The following RNGTT variants were observed in gnomAD, a reference collection of about 807,000 sequenced individuals.
The protein encoded by RNGTT is RNA guanylyltransferase and 5'-phosphatase.
A neutral mutation model predicts 79.3 loss-of-function variants in RNGTT; 33 were observed. The ratio of observed to expected loss-of-function variants is 0.42; its 90% CI spans 0.32 to 0.56. The LOEUF (loss-of-function observed/expected upper bound fraction) is 0.56, where lower values mean the gene tolerates loss of function less well. RNGTT is among the 20% of genes least tolerant of loss of function. The probability of loss-of-function intolerance (pLI) is 0.17; values close to 1 mark genes in which losing one functional copy is unlikely to be tolerated. For synonymous variants in RNGTT, 222 were observed against 235.9 expected (o/e 0.94, Z 0.54); for missense variants, 497 against 739.1 (o/e 0.67, Z 3.80).
At chr6:88,695,104 G>C (rs1220949986) in intron 13 of RNGTT, among the ~76,000 whole-genome samples, 1 of 152,058 alleles carries the variant, frequency 6.6e-6, no homozygotes, top group Admixed American at 6.6e-5. Flanking sequence ...ACATTGGTCT[G>C]GGCAATGATT....
At chr6:88,661,207 CA>C (rs1251628104) in intron 14 of RNGTT, among the ~76,000 whole-genome samples, 3 of 152,066 alleles carry the variant, frequency 2.0e-5, no homozygotes, top group Admixed American at 2.0e-4. Context: ...ACGCCTACAT[CA>C]AAAAGTCTGA....
intron 14 of RNGTT, among the ~76,000 whole-genome samples, chr6:88,641,840 G>A (rs1203096209): frequency 6.6e-6 from 1 of 152,274 alleles, no homozygotes; most frequent in African/African-American, 2.4e-5. Flanking sequence ...CATCTTGGCT[G>A]TATTCACACA....
rs566863751 is a variant in RNGTT at position 88,923,793 on chromosome 6, T to C, written c.367+5192A>G. Among the ~76,000 whole-genome samples, 15 of 152,290 alleles carry C rather than the reference T, an allele frequency of 9.8e-5. 1 individual carries two copies. In the South Asian group the frequency reaches 2.7e-3, roughly 27 times the overall value. On this transcript the variant is annotated intron_variant, in intron 4 of 15. Coordinates refer to ENST00000369485, the MANE Select transcript of RNGTT (RefSeq NM_003800.5). ...GTAGCTAAATCAGCAAGAGCTATTATAGTGCTCCAACTTAATAAGTTGATT... is the reference window on the plus strand; with the variant it reads ...GTAGCTAAATCAGCAAGAGCTATTACAGTGCTCCAACTTAATAAGTTGATT...
At chr6:88,837,442 A>C (rs1562278375) in intron 11 of RNGTT, among the ~76,000 whole-genome samples, 1 of 152,182 alleles carries the variant, frequency 6.6e-6, no homozygotes, top group Non-Finnish European at 1.5e-5. Flanking sequence ...ATATTTTTTT[A>C]AACCAAGTTT....
At chr6:88,802,949 T>C (rs1485460619) in intron 11 of RNGTT, among the ~76,000 whole-genome samples, 4 of 152,168 alleles carry the variant, frequency 2.6e-5, no homozygotes. Flanking sequence ...CTGTGTGTTA[T>C]ACATCCCTTT....
chr6:88,923,542 G>C (rs1051122310), intron 4 of RNGTT, among the ~76,000 whole-genome samples: 1 of 151,976 alleles, frequency 6.6e-6, no homozygotes. Flanking sequence ...AAAGTTTATT[G>C]AGTCAGCCAC....
intron 13 of RNGTT, among the ~76,000 whole-genome samples, chr6:88,678,780 C>T (rs541279775): frequency 6.6e-6 from 1 of 152,030 alleles, no homozygotes; most frequent in African/African-American, 2.4e-5. Context: ...GGCAATATAA[C>T]GAGACCCCAT....
intron 13 of RNGTT, among the ~76,000 whole-genome samples, chr6:88,755,787 C>T (rs1777991130): frequency 6.6e-6 from 1 of 151,364 alleles, no homozygotes; most frequent in Admixed American, 6.6e-5. Flanking sequence ...ATGGTGAAAC[C>T]CCATCTCTAC....
At chr6:88,631,813 A>G (rs1476966618) in intron 14 of RNGTT, among the ~76,000 whole-genome samples, 1 of 74,734 alleles carries the variant, frequency 1.3e-5, no homozygotes, top group Non-Finnish European at 2.5e-5. Flanking sequence ...GGCTATATAT[A>G]TTTTTTGTTT....
rs147358509 is a variant in RNGTT at position 88,620,856 on chromosome 6, T to C, written c.1507-6461A>G. Reference sequence around the variant, plus strand: ...TACAGAATTCCTTTAGACGACATTATGTCTTTGTAAAGCTGGGTCTGGGGC... The same window carrying C: ...TACAGAATTCCTTTAGACGACATTACGTCTTTGTAAAGCTGGGTCTGGGGC... On this transcript the variant is annotated intron_variant, in intron 14 of 15. Transcript: ENST00000369485. Among the ~76,000 whole-genome samples the C allele has an allele frequency of 6.6e-5, 10 of 152,334 alleles. No homozygotes were observed. The East Asian group carries it at 1.9e-3, about 29-fold the overall frequency.
At chr6:88,698,191 A>AATATATG (rs1775784491) in intron 13 of RNGTT, among the ~76,000 whole-genome samples, 1 of 103,924 alleles carries the variant, frequency 9.6e-6, no homozygotes, top group South Asian at 2.6e-4. Context: ...ATATATATGA[A>AATATATG]ATATATATGA....
At chr6:88,894,400 G>A (rs967072360) in intron 6 of RNGTT, among the ~76,000 whole-genome samples, 2 of 152,184 alleles carry the variant, frequency 1.3e-5, no homozygotes, top group African/African-American at 4.8e-5. Context: ...GGATGTAGGT[G>A]CCAGACACAG....
At chr6:88,629,983 TCTTTGA>T (rs1772788317) in intron 14 of RNGTT, among the ~76,000 whole-genome samples, 1 of 152,040 alleles carries the variant, frequency 6.6e-6, no homozygotes, top group African/African-American at 2.4e-5. Context: ...ACCATGTGAG[TCTTTGA>T]AGAATGCGCC....
chr6:88,678,945 G>GT (rs538136446), intron 13 of RNGTT, among the ~76,000 whole-genome samples: 2 of 152,160 alleles, frequency 1.3e-5, no homozygotes, highest in Non-Finnish European at 2.9e-5. Context: ...TTCAATAAAA[G>GT]TTACACTGAG....
At chr6:88,646,338 A>C (rs897087869) in intron 14 of RNGTT, among the ~76,000 whole-genome samples, 2 of 152,188 alleles carry the variant, frequency 1.3e-5, no homozygotes, top group Admixed American at 1.3e-4. Flanking sequence ...AAAAGTCAGG[A>C]AACAATAGGT....
intron 13 of RNGTT, among the ~76,000 whole-genome samples, chr6:88,689,835 T>C (rs923294780): frequency 6.7e-6 from 1 of 149,722 alleles, no homozygotes; most frequent in Non-Finnish European, 1.5e-5. Context: ...TTATATTGCA[T>C]AGTCTCAAAG....
chr6:88,649,696 C>CA (rs1279888726), intron 14 of RNGTT, among the ~76,000 whole-genome samples: 1,689 of 130,818 alleles, frequency 0.013, 14 homozygotes, highest in Non-Finnish European at 0.015. Context: ...GACTAAGTCT[C>CA]AAAAAAAAAA....
chr6:88,618,261 C>T (rs1299523696), intron 14 of RNGTT, among the ~76,000 whole-genome samples: 1 of 152,144 alleles, frequency 6.6e-6, no homozygotes, highest in African/African-American at 2.4e-5. Context: ...TTGATCACAC[C>T]AGTTATAGTC....
At chr6:88,696,884 A>C (rs1562200670) in intron 13 of RNGTT, among the ~76,000 whole-genome samples, 1 of 152,206 alleles carries the variant, frequency 6.6e-6, no homozygotes, top group Non-Finnish European at 1.5e-5. Context: ...GACTAGAAAC[A>C]GAGAAATTTA....
Sources: gnomAD v4.1 joint callset for allele counts (sites outside exome capture counted in the v4.1 genomes callset) on GRCh38, gnomAD v4.1.1 for gene constraint, MANE v1.5 for transcripts, NCBI Gene and HGNC (gene_info 2026-07-23, HGNC 2026-07-21) for gene names.